The following IL1RAP variants were observed in gnomAD, a reference collection of about 807,000 sequenced individuals.
The protein encoded by IL1RAP is interleukin 1 receptor accessory protein.
Under a neutral mutation model 60.7 loss-of-function variants are expected in IL1RAP, and 35 were observed. The observed-to-expected ratio is 0.58, with a 90% confidence interval of 0.44 to 0.76. The LOEUF is 0.76. Ranked by LOEUF, IL1RAP falls within the 30% of genes least tolerant of loss-of-function variation. The pLI is 0.00. For missense variants in IL1RAP, 572 were observed against 693.9 expected (o/e 0.82, Z 1.97); for synonymous variants, 268 against 250.9 (o/e 1.07, Z -0.64).
chr3:190,592,806 A>C (rs957094287), intron 3 of IL1RAP, among the ~76,000 whole-genome samples: 2 of 152,116 alleles, frequency 1.3e-5, no homozygotes, highest in Non-Finnish European at 2.9e-5. Context: ...GGTTGTTTTC[A>C]TCCGTCAGGG....
chr3:190,635,011 G>T (rs538568563), intron 9 of IL1RAP, among the ~76,000 whole-genome samples: 1 of 152,092 alleles, frequency 6.6e-6, no homozygotes, highest in Non-Finnish European at 1.5e-5. Flanking sequence ...CACCGTGCCC[G>T]GCCGTTGTTT....
At chr3:190,604,529 G>A (rs1730133661) in intron 4 of IL1RAP, 116 bp downstream of exon 4, 1 of 1,096,882 alleles carries the variant, frequency 9.1e-7, no homozygotes, top group Admixed American at 2.7e-5. Flanking sequence ...ATAGAGTTTA[G>A]TGAGGTAATT....
At chr3:190,525,264 G>A (rs897483462) in intron 1 of IL1RAP, among the ~76,000 whole-genome samples, 1 of 152,212 alleles carries the variant, frequency 6.6e-6, no homozygotes, top group Admixed American at 6.5e-5. Flanking sequence ...AAGAGGGACA[G>A]TTTTTAAGTA....
intron 3 of IL1RAP, among the ~76,000 whole-genome samples, chr3:190,575,859 C>G (rs1474212731): frequency 2.0e-5 from 3 of 152,142 alleles, no homozygotes; most frequent in Non-Finnish European, 4.4e-5. Context: ...TGTAAAGCAG[C>G]TAGAAATGCT....
chr3:190,524,346 C>G (rs954415342), intron 1 of IL1RAP, among the ~76,000 whole-genome samples: 2 of 152,066 alleles, frequency 1.3e-5, no homozygotes, highest in Admixed American at 1.3e-4. Context: ...TGTGCACAAG[C>G]TCTTTAATTA....
chr3:190,541,287 C>T (rs1316003463), intron 1 of IL1RAP, among the ~76,000 whole-genome samples: 7 of 152,132 alleles, frequency 4.6e-5, no homozygotes, highest in African/African-American at 7.2e-5. Flanking sequence ...CCTTGCTTAG[C>T]CTTCAAAAGG....
At chr3:190,632,521 A>G (rs1048269502) in intron 9 of IL1RAP, among the ~76,000 whole-genome samples, 1 of 152,242 alleles carries the variant, frequency 6.6e-6, no homozygotes, top group African/African-American at 2.4e-5. Context: ...GTCCTGTGTC[A>G]GATATATGAA....
At chr3:190,622,236 T>G (rs1018796999) in intron 6 of IL1RAP, among the ~76,000 whole-genome samples, 2 of 152,220 alleles carry the variant, frequency 1.3e-5, no homozygotes, top group Non-Finnish European at 2.9e-5. Flanking sequence ...AATCCGACCT[T>G]AAGCATGGAG....
intron 7 of IL1RAP, 62 bp from the exon 8 acceptor site, chr3:190,627,261 T>C: frequency 1.5e-6 from 2 of 1,328,392 alleles, no homozygotes; most frequent in Non-Finnish European, 2.0e-6. Flanking sequence ...TGTTTTTTGT[T>C]TTGTTTTGTT....
intron 3 of IL1RAP, among the ~76,000 whole-genome samples, chr3:190,591,843 T>G (rs935672907): frequency 6.6e-6 from 1 of 152,174 alleles, no homozygotes; most frequent in Non-Finnish European, 1.5e-5. Context: ...AATGACTGCT[T>G]AGCGTTTCTC....
At position 190,600,818 on chromosome 3, in the gene IL1RAP, C is replaced by T. The variant is rs78983733; in HGVS notation, c.65-3310C>T. ...TGATAATTCCTGGGTCTTTTCAGCA[C>T]CCTGAACTACAGATTGGTTTGTTCT... On this transcript the variant is annotated intron_variant, in intron 3 of 11. Transcript: ENST00000447382. Among the ~76,000 whole-genome samples, 79 of 152,206 alleles carry T rather than the reference C, an allele frequency of 5.2e-4. 1 individual carries two copies. Among genetic ancestry groups the T allele is most frequent in the African/African-American group, 1.9e-3 (79 of 41,532 alleles).
intron 1 of IL1RAP, among the ~76,000 whole-genome samples, chr3:190,541,386 G>T (rs562314029): frequency 1.3e-5 from 2 of 152,220 alleles, no homozygotes; most frequent in Admixed American, 6.5e-5. Context: ...AGAAGGTGAA[G>T]AATCTTTTCC....
At chr3:190,583,767 T>C (rs910362940) in intron 3 of IL1RAP, among the ~76,000 whole-genome samples, 15 of 152,200 alleles carry the variant, frequency 9.9e-5, no homozygotes, top group Non-Finnish European at 1.8e-4. Flanking sequence ...TACTTGGAGA[T>C]AGGTGAGAAA....
intron 3 of IL1RAP, among the ~76,000 whole-genome samples, chr3:190,578,348 G>A (rs1727682781): frequency 6.6e-6 from 1 of 152,166 alleles, no homozygotes; most frequent in Admixed American, 6.5e-5. Context: ...AGGCAATTGT[G>A]ACAGGTATGA....
chr3:190,608,413 GTACACC>G (rs1381360394), intron 4 of IL1RAP, among the ~76,000 whole-genome samples: 1 of 152,126 alleles, frequency 6.6e-6, no homozygotes, highest in Non-Finnish European at 1.5e-5. Flanking sequence ...GATAAAAACG[GTACACC>G]TATGTAGGGC....
chr3:190,646,655 C>T (rs2108860995), intron 11 of IL1RAP, among the ~76,000 whole-genome samples: 1 of 152,252 alleles, frequency 6.6e-6, no homozygotes, highest in Non-Finnish European at 1.5e-5. Context: ...TAAACTTTAT[C>T]CTGTTGAAAT....
At chr3:190,608,320 C>A (rs1730527333) in intron 4 of IL1RAP, among the ~76,000 whole-genome samples, 1 of 152,074 alleles carries the variant, frequency 6.6e-6, no homozygotes, top group Non-Finnish European at 1.5e-5. Flanking sequence ...ATACTGTAGG[C>A]AATTATCACA....
chr3:190,644,383 A>G lies in IL1RAP; in HGVS notation c.1187A>G (p.Asp396Gly), dbSNP rs762077034. 6.2e-7 allele frequency: 1 copy of G among 1,613,606 alleles called. No homozygotes were observed. The highest frequency in any genetic ancestry group is 8.5e-7 in the Non-Finnish European group (1 of 1,179,686). Residue 396 changes from aspartate to glycine, a missense_variant, in exon 10 of 12, where the codon GAT becomes GGT. Asp to Gly is a moderately conservative substitution (Grantham distance 94). Transcript: ENST00000447382. The part of the protein sequence containing the change: ...VLFYRAHFGT[D>G]ETILDGKEYD... ...TTTTACCGGGCTCATTTTGGAACAG[A>G]TGAAACCATTTTAGGTAAGTAACAG...
chr3:190,565,947 C>A (rs1372761953), intron 3 of IL1RAP, among the ~76,000 whole-genome samples: 1 of 151,932 alleles, frequency 6.6e-6, no homozygotes, highest in Non-Finnish European at 1.5e-5. Context: ...ATTATATTAG[C>A]CTTCTTTCTC....
Sources: allele counts gnomAD v4.1 joint callset (sites outside exome capture counted in the v4.1 genomes callset), GRCh38; gene constraint gnomAD v4.1.1; transcripts MANE v1.5; gene names NCBI Gene and HGNC (gene_info 2026-07-23, HGNC 2026-07-21).